CIMIP7: variants seen among roughly 807,000 people sequenced by gnomAD.
CIMIP7 encodes ciliary microtubule inner protein 7, also known as uncharacterized protein C3orf84.
chr3:49,190,796 G>A, the CIMIP7 span, among the ~76,000 whole-genome samples: 1 of 151,250 alleles, frequency 6.6e-6, no homozygotes. Flanking sequence ...AGCCTCCCGA[G>A]TATCTGGGAT....
the CIMIP7 span, among the ~76,000 whole-genome samples, chr3:49,178,915 A>G: frequency 1.3e-5 from 2 of 152,088 alleles, no homozygotes; most frequent in Non-Finnish European, 2.9e-5. Flanking sequence ...TCCCCCATCA[A>G]CATACCCAGC....
the CIMIP7 span, among the ~76,000 whole-genome samples, chr3:49,183,586 C>T: frequency 3.9e-5 from 6 of 152,190 alleles, no homozygotes; most frequent in South Asian, 4.2e-4. Context: ...GCCCGGGAGG[C>T]GGAGGTTGCA....
the CIMIP7 span, among the ~76,000 whole-genome samples, chr3:49,182,944 C>T: frequency 5.9e-5 from 9 of 152,232 alleles, no homozygotes; most frequent in Non-Finnish European, 1.3e-4. Flanking sequence ...CCACCCGGAA[C>T]TCACGCTGGC....
At chr3:49,180,976 C>T in the CIMIP7 span, among the ~76,000 whole-genome samples, 1 of 150,164 alleles carries the variant, frequency 6.7e-6, no homozygotes, top group African/African-American at 2.5e-5. Context: ...GAACCGCCTG[C>T]CTTAGACAGT....
chr3:49,191,508 T>G, the CIMIP7 span, among the ~76,000 whole-genome samples: 1 of 152,118 alleles, frequency 6.6e-6, no homozygotes, highest in African/African-American at 2.4e-5. Context: ...GCTAGAGGAC[T>G]AGGAATTTCC....
the CIMIP7 span, chr3:49,177,688 G>C: frequency 6.2e-7 from 1 of 1,609,390 alleles, no homozygotes; most frequent in Non-Finnish European, 8.5e-7. Context: ...AGAGACCCCA[G>C]CATGAAGGTA....
the CIMIP7 span, among the ~76,000 whole-genome samples, chr3:49,190,382 TAGGGA>T: frequency 1.3e-5 from 2 of 152,116 alleles, no homozygotes; most frequent in South Asian, 2.1e-4. Flanking sequence ...TATGCATGTG[TAGGGA>T]AGGAGTGCCA....
At chr3:49,184,356 G>A in the CIMIP7 span, among the ~76,000 whole-genome samples, 3 of 152,050 alleles carry the variant, frequency 2.0e-5, no homozygotes, top group African/African-American at 7.2e-5. Flanking sequence ...AGAGTCTCAC[G>A]TGTAGCACAG....
chr3:49,183,732 C>T, the CIMIP7 span, among the ~76,000 whole-genome samples: 4 of 152,308 alleles, frequency 2.6e-5, no homozygotes, highest in South Asian at 8.3e-4. Context: ...GGGCATTTAT[C>T]CCAGAGAGAC....
the CIMIP7 span, among the ~76,000 whole-genome samples, chr3:49,188,132 G>A: frequency 6.6e-6 from 1 of 152,224 alleles, no homozygotes; most frequent in Non-Finnish European, 1.5e-5. Context: ...AGGTGGCCCT[G>A]GATGGGCAGT....
At chr3:49,182,271 C>T in the CIMIP7 span, among the ~76,000 whole-genome samples, 1 of 151,676 alleles carries the variant, frequency 6.6e-6, no homozygotes, top group Non-Finnish European at 1.5e-5. Flanking sequence ...CCACATCCTG[C>T]TGATTGGTAG....
chr3:49,179,187 A>G, the CIMIP7 span, among the ~76,000 whole-genome samples: 2 of 152,164 alleles, frequency 1.3e-5, no homozygotes, highest in East Asian at 3.9e-4. Flanking sequence ...CCCACATTGA[A>G]TATGCAAGTA....
chr3:49,185,403 A>G, the CIMIP7 span, among the ~76,000 whole-genome samples: 1 of 150,816 alleles, frequency 6.6e-6, no homozygotes, highest in Non-Finnish European at 1.5e-5. Context: ...TGTCTCTACT[A>G]AAAATAAAAA....
the CIMIP7 span, chr3:49,189,872 G>A: frequency 2.6e-6 from 2 of 763,538 alleles, no homozygotes; most frequent in Non-Finnish European, 2.4e-6. Flanking sequence ...CTGTCTGTAG[G>A]GGAAAGATCT....
chr3:49,179,016 C>T, the CIMIP7 span, among the ~76,000 whole-genome samples: 1 of 152,188 alleles, frequency 6.6e-6, no homozygotes, highest in South Asian at 2.1e-4. Context: ...CAACTGCCTA[C>T]TCCACATCTC....
chr3:49,177,710 G>C, the CIMIP7 span: 3 of 1,610,542 alleles, frequency 1.9e-6, no homozygotes, highest in Non-Finnish European at 2.5e-6. Flanking sequence ...TGCTGCAGCA[G>C]CTTGGGTCTT....
At chr3:49,183,851 A>G in the CIMIP7 span, among the ~76,000 whole-genome samples, 35 of 152,368 alleles carry the variant, frequency 2.3e-4, 1 homozygote, top group East Asian at 6.4e-3. Flanking sequence ...ATGAATGATT[A>G]AACAAACTGG....
the CIMIP7 span, among the ~76,000 whole-genome samples, chr3:49,188,508 T>C: frequency 6.6e-6 from 1 of 152,286 alleles, no homozygotes; most frequent in East Asian, 1.9e-4. Flanking sequence ...TTTCTTCTCT[T>C]GGCTCCCTCC....
the CIMIP7 span, among the ~76,000 whole-genome samples, chr3:49,187,304 G>A: frequency 6.6e-6 from 1 of 152,214 alleles, no homozygotes; most frequent in African/African-American, 2.4e-5. Flanking sequence ...TTTCTGAGCA[G>A]GTAGAGCTAG....
Sources: allele counts gnomAD v4.1 joint callset (sites outside exome capture counted in the v4.1 genomes callset), GRCh38; gene constraint gnomAD v4.1.1; transcripts MANE v1.5; gene names NCBI Gene and HGNC (gene_info 2026-07-23, HGNC 2026-07-21).